Variants in CEP120 observed in about 807,000 individuals in gnomAD.
CEP120 encodes centrosomal protein of 120 kDa.
In CEP120, 113 loss-of-function variants were observed where a neutral mutation model predicts 126.5. The ratio of observed to expected loss-of-function variants is 0.89; its 90% CI spans 0.77 to 1.04. The LOEUF is 1.04. Ranked by LOEUF, CEP120 falls within the 50% of genes least tolerant of loss-of-function variation. The pLI, the probability that CEP120 is intolerant of heterozygous loss-of-function variation, is 0.00. For missense variants in CEP120, 1,230 were observed against 1,155.7 expected, an observed-to-expected ratio of 1.06 and a Z score of -0.93; for synonymous variants, 400 against 394.3, an observed-to-expected ratio of 1.01 and a Z score of -0.17.
chr5:123,345,059 G>A lies in CEP120; in HGVS notation c.*1460C>T, dbSNP rs1768714359. ...CAGGCAACACACAATGCAATTGAAAGTAAACAGTCACAGCATTTTACCGCA... is the reference window on the plus strand; with the variant it reads ...CAGGCAACACACAATGCAATTGAAAATAAACAGTCACAGCATTTTACCGCA... On this transcript the variant is annotated 3_prime_UTR_variant, in exon 20 of 20. Transcript: ENST00000306467. The A allele has an allele frequency of 6.6e-6, 1 of 152,154 alleles. No individual in the cohort carries two copies. Among genetic ancestry groups the A allele is most frequent in the Admixed American group, 6.6e-5 (1 of 15,262 alleles). 9.4% of individuals were successfully genotyped at this position (152,154 alleles called of 1,614,324 possible).
At chr5:123,373,766 G>C (rs926610029) in intron 16 of CEP120, among the ~76,000 whole-genome samples, 12 of 152,096 alleles carry the variant, frequency 7.9e-5, no homozygotes, top group Admixed American at 6.5e-4. Flanking sequence ...TACCCCAATG[G>C]AGCCCTGGAA....
At chr5:123,376,602 C>T (rs183183328) in intron 16 of CEP120, among the ~76,000 whole-genome samples, 1 of 152,008 alleles carries the variant, frequency 6.6e-6, no homozygotes, top group Non-Finnish European at 1.5e-5. Context: ...TAGAGGGGCC[C>T]ATCACTGAAA....
chr5:123,399,216 G>A lies in CEP120; in HGVS notation c.532C>T (p.His178Tyr). The change falls in exon 5 of 20, where the codon CAT becomes TAT. Residue 178 changes from histidine (H) to tyrosine (Y), a missense_variant. Physicochemically the swap from His to Tyr is moderately conservative, Grantham distance 83 (BLOSUM62 2). Coordinates refer to ENST00000306467, the MANE Select transcript of CEP120 (RefSeq NM_001375405.1). ...VAVLNEEGGY[H>Y]QIGPAEYCTD... is the part of the protein sequence containing the mutation. The stretch of plus-strand genomic sequence containing the variant: ...CAGTATTCTGCTGGTCCAATCTGAT[G>A]GTAGCCTCCCTCTTCATTCAGCACA... The A allele has an allele frequency of 6.2e-7, 1 of 1,613,902 alleles. No individual in the cohort carries two copies. The highest frequency in any genetic ancestry group is 8.5e-7 in the Non-Finnish European group (1 of 1,179,776).
At chr5:123,408,435 G>C (rs977397270) in intron 4 of CEP120, among the ~76,000 whole-genome samples, 3 of 151,044 alleles carry the variant, frequency 2.0e-5, no homozygotes, top group African/African-American at 4.9e-5. Context: ...ATGAAAGATG[G>C]GATCACTACA....
intron 4 of CEP120, chr5:123,401,754 T>C: frequency 7.3e-6 from 9 of 1,233,370 alleles, no homozygotes; most frequent in South Asian, 1.2e-5. Context: ...ACAATCCTTC[T>C]TGATGAGGAC....
intron 18 of CEP120, chr5:123,358,289 G>A (rs1035226290): frequency 2.0e-5 from 3 of 152,160 alleles, no homozygotes; most frequent in Non-Finnish European, 4.4e-5. Context: ...AAGGGACACA[G>A]AGGGCTTCCA....
intron 17 of CEP120, among the ~76,000 whole-genome samples, chr5:123,368,445 A>T (rs184975784): frequency 6.6e-6 from 1 of 151,982 alleles, no homozygotes; most frequent in African/African-American, 2.4e-5. Flanking sequence ...CAAAAGAGAA[A>T]TGGGAAATGT....
intron 5 of CEP120, among the ~76,000 whole-genome samples, chr5:123,396,777 G>A (rs983961311): frequency 2.6e-5 from 4 of 152,102 alleles, no homozygotes; most frequent in African/African-American, 9.7e-5. Context: ...AGCATTATAT[G>A]GGAACAAGAG....
intron 18 of CEP120, among the ~76,000 whole-genome samples, chr5:123,360,434 C>T (rs964863826): frequency 6.6e-6 from 1 of 151,770 alleles, no homozygotes; most frequent in Non-Finnish European, 1.5e-5. Context: ...GCCTCTAAAG[C>T]AGAAAGTTTG....
intron 2 of CEP120, among the ~76,000 whole-genome samples, chr5:123,417,550 T>C (rs1226291391): frequency 1.3e-5 from 2 of 152,096 alleles, no homozygotes; most frequent in African/African-American, 4.8e-5. Context: ...CTTGATAGAA[T>C]TACTTTCATA....
At chr5:123,401,429 G>C in intron 4 of CEP120, 2 of 1,381,630 alleles carry the variant, frequency 1.4e-6, no homozygotes, top group Non-Finnish European at 2.1e-6. Context: ...GGAGATCTTA[G>C]TCTTTGTGCA....
At chr5:123,366,690 G>A (rs1026504960) in intron 17 of CEP120, among the ~76,000 whole-genome samples, 1 of 151,684 alleles carries the variant, frequency 6.6e-6, no homozygotes, top group Admixed American at 6.6e-5. Context: ...TGACTATGAG[G>A]TTCTTTTGTC....
At chr5:123,356,994 C>T (rs1026962846) in intron 18 of CEP120, among the ~76,000 whole-genome samples, 55 of 152,106 alleles carry the variant, frequency 3.6e-4, no homozygotes, top group African/African-American at 1.3e-3. Flanking sequence ...ATGACAAATT[C>T]TGCCAATTTT....
At chr5:123,376,463 G>A (rs924783562) in intron 16 of CEP120, among the ~76,000 whole-genome samples, 11 of 152,106 alleles carry the variant, frequency 7.2e-5, no homozygotes, top group African/African-American at 2.7e-4. Context: ...GCAGAGGCCT[G>A]CAGGACAAGG....
chr5:123,409,674 A>C (rs573070969), intron 4 of CEP120, among the ~76,000 whole-genome samples: 2 of 152,282 alleles, frequency 1.3e-5, no homozygotes, highest in African/African-American at 4.8e-5. Context: ...AATTTTAAAA[A>C]AGGCCAGGTG....
At chr5:123,391,076 G>A in intron 7 of CEP120, 34 bp downstream of exon 7, 1 of 1,520,318 alleles carries the variant, frequency 6.6e-7, no homozygotes. Context: ...TGGGACTAGT[G>A]AAGCCAGGGG....
At position 123,422,348 on chromosome 5, in the gene CEP120, A is replaced by G. The variant is rs1429240294; in HGVS notation, c.49+602T>C. Reference sequence around the variant, plus strand: ...ATCCTGATGAATTATTTGCTGACACACTCTCCTTGCTACATCCTTAGCTTT... The same window carrying G: ...ATCCTGATGAATTATTTGCTGACACGCTCTCCTTGCTACATCCTTAGCTTT... On this transcript the variant is annotated intron_variant, in intron 1 of 19. Coordinates refer to ENST00000306467, the MANE Select transcript of CEP120 (RefSeq NM_001375405.1). 14 of 651,444 alleles carry G rather than the reference A, an allele frequency of 2.1e-5. No homozygotes were observed. In the Admixed American group the frequency reaches 3.8e-4, roughly 18 times the overall value. The allele number at this position is 651,444 out of a possible 1,614,324, so 40.4% of individuals were successfully genotyped here.
intron 4 of CEP120, among the ~76,000 whole-genome samples, chr5:123,410,016 A>ACACACAC (rs1773944116): frequency 4.0e-5 from 6 of 149,618 alleles, no homozygotes; most frequent in East Asian, 2.0e-4. Flanking sequence ...ACACACACAC[A>ACACACAC]AGTGATTATA....
chr5:123,377,633 AT>A, intron 15 of CEP120, 98 bp from the exon 16 acceptor site: 1 of 902,642 alleles, frequency 1.1e-6, no homozygotes, highest in Admixed American at 2.9e-5. Context: ...TGTTGAGGAT[AT>A]TTACAAATTT....
Sources: gnomAD v4.1 joint callset for allele counts (sites outside exome capture counted in the v4.1 genomes callset) on GRCh38, gnomAD v4.1.1 for gene constraint, MANE v1.5 for transcripts, NCBI Gene and HGNC (gene_info 2026-07-23, HGNC 2026-07-21) for gene names.